NFATC2: variants seen among roughly 807,000 people sequenced by gnomAD.
The protein encoded by NFATC2 is nuclear factor of activated T cells 2, also known as nuclear factor of activated T-cells, cytoplasmic 2.
NFATC2 carries 22 observed loss-of-function variants against 87.3 expected under a neutral mutation model. That is an observed-to-expected ratio of 0.25 (90% confidence interval 0.18 to 0.36). The LOEUF is 0.36. NFATC2 is among the 10% of genes least tolerant of loss of function. The pLI, the probability that NFATC2 is intolerant of heterozygous loss-of-function variation, is 1.00. For missense variants in NFATC2, 1,149 were observed against 1,259.1 expected (o/e 0.91, Z 1.32); for synonymous variants, 565 against 542.2 (o/e 1.04, Z -0.58).
intron 9 of NFATC2, among the ~76,000 whole-genome samples, chr20:51,400,719 CAGGTGGCTACTCGCTCTGCCTTCCTTCAT>C (rs1209319090): frequency 6.6e-6 from 1 of 152,204 alleles, no homozygotes; most frequent in African/African-American, 2.4e-5. Flanking sequence ...CCCTCCTCCG[CAGGTGGCTACTCGCTCTGCCTTCCTTCAT>C]CCTCACAGAC....
In NFATC2 at chr20:51,432,291, T is replaced by C. The variant is rs778132625; in HGVS notation, c.2498A>G (p.Tyr833Cys). The change falls in exon 9 of 11, where the codon TAC becomes TGC. Residue 833 changes from tyrosine (Y) to cysteine (C), a missense_variant. Tyr to Cys is a radical substitution (Grantham distance 194). Around this residue, in one of 3 missense-constraint regions of NFATC2, gnomAD observed 581 missense variants for 649.7 expected, o/e 0.89. Transcript: ENST00000371564. The surrounding 1 kb of genome is among the most constrained non-coding windows in gnomAD (Gnocchi z 4.6). ...GSHQEFQHIMYCENFAPGTTR... is the reference protein window; with the variant it reads ...GSHQEFQHIMCCENFAPGTTR... ...GGTGCCTGGTGCGAAATTCTCGCAG[T>C]ACATGATGTGCTGGAACTCCTGGTG... 3.7e-6 allele frequency: 6 copies of C among 1,614,114 alleles called. No individual in the cohort carries two copies. In the South Asian group the frequency reaches 5.5e-5, roughly 15 times the overall value.
chr20:51,418,004 G>A (rs1980287560), intron 9 of NFATC2, among the ~76,000 whole-genome samples: 1 of 152,190 alleles, frequency 6.6e-6, no homozygotes, highest in Admixed American at 6.5e-5. Context: ...AAGGCCACAA[G>A]CAAGGAAGAA....
intron 10 of NFATC2, among the ~76,000 whole-genome samples, chr20:51,394,887 C>A (rs1459749912): frequency 6.6e-6 from 1 of 152,242 alleles, no homozygotes; most frequent in East Asian, 1.9e-4. Flanking sequence ...AGCCGCCCCA[C>A]ATTCCTGCCA....
intron 5 of NFATC2, among the ~76,000 whole-genome samples, chr20:51,457,937 G>A (rs1986747145): frequency 6.7e-6 from 1 of 148,948 alleles, no homozygotes; most frequent in African/African-American, 2.5e-5. Flanking sequence ...CCAGGCAGGA[G>A]TACAGTGGTG....
chr20:51,489,197 A>T (rs2075840227), intron 3 of NFATC2, among the ~76,000 whole-genome samples: 1 of 152,098 alleles, frequency 6.6e-6, no homozygotes, highest in Non-Finnish European at 1.5e-5. Flanking sequence ...CAAAAAAAAG[A>T]AGTGTGCAGA....
intron 6 of NFATC2, among the ~76,000 whole-genome samples, chr20:51,443,751 G>C (rs1045304513): frequency 1.3e-5 from 2 of 152,070 alleles, no homozygotes; most frequent in Admixed American, 6.5e-5. Context: ...AAAGGACTTC[G>C]GTCTCTTGAG....
At chr20:51,403,965 C>T (rs1340289723) in intron 9 of NFATC2, among the ~76,000 whole-genome samples, 1 of 152,194 alleles carries the variant, frequency 6.6e-6, no homozygotes, top group East Asian at 1.9e-4. Context: ...CCAGTGAAGT[C>T]ATCGAGGTTC....
chr20:51,527,194 T>TC (rs2076558997), intron 1 of NFATC2, among the ~76,000 whole-genome samples: 5 of 152,034 alleles, frequency 3.3e-5, no homozygotes, highest in Admixed American at 1.3e-4. Context: ...AACAACCGTG[T>TC]CTGGCAAAGG....
At chr20:51,451,250 G>C (rs776554882) in intron 6 of NFATC2, among the ~76,000 whole-genome samples, 123 of 152,206 alleles carry the variant, frequency 8.1e-4, no homozygotes, top group Non-Finnish European at 1.5e-4. Flanking sequence ...CTGAACTGCT[G>C]AGACGCAGAG....
At chr20:51,473,883 C>A (rs1988463944) in intron 5 of NFATC2, 97 bp downstream of exon 5, 1 of 1,355,818 alleles carries the variant, frequency 7.4e-7, no homozygotes, top group Admixed American at 2.3e-5. Flanking sequence ...TTCCCGCAGG[C>A]CACCCCGGGT....
At chr20:51,434,192 A>T (rs1983216395) in intron 8 of NFATC2, among the ~76,000 whole-genome samples, 1 of 62,866 alleles carries the variant, frequency 1.6e-5, no homozygotes. Flanking sequence ...TCACCAAGGC[A>T]AGGCTGCCAG....
At chr20:51,490,188 GTATGATATCTATCAATCTTCAC>G (rs2075858697) in intron 3 of NFATC2, among the ~76,000 whole-genome samples, 1 of 152,218 alleles carries the variant, frequency 6.6e-6, no homozygotes, top group Non-Finnish European at 1.5e-5. Flanking sequence ...GCATTGTGAT[GTATGATATCTATCAATCTTCAC>G]TATGATATCT....
At chr20:51,436,865 T>A (rs564884343) in intron 6 of NFATC2, among the ~76,000 whole-genome samples, 1 of 152,332 alleles carries the variant, frequency 6.6e-6, no homozygotes, top group South Asian at 2.1e-4. Context: ...ACACGCCTCC[T>A]TGGTGGTCTG....
chr20:51,543,975 A>ATTTATTTTTTT (rs774804203), upstream of NFATC2, among the ~76,000 whole-genome samples: 1 of 72,958 alleles, frequency 1.4e-5, no homozygotes, highest in Admixed American at 2.0e-4. Context: ...AGAATTCCTA[A>ATTTATTTTTTT]TTTTTTTTTT....
chr20:51,542,379 G>GA lies in NFATC2; in HGVS notation c.120dup (p.Pro41SerfsTer10). 2 of 1,607,628 alleles carry GA rather than the reference G, an allele frequency of 1.2e-6. No individual in the cohort carries two copies. Among genetic ancestry groups the GA allele is most frequent in the Non-Finnish European group, 1.7e-6 (2 of 1,176,826 alleles). The stretch of plus-strand genomic sequence containing the variant: ...GGTAGCCTCCACCGACCTTCGTTCG[G>GA]ATTCAAATACTCATAGTCGAAGAGG... On this transcript the variant is annotated frameshift_variant, in exon 1 of 11. Coordinates refer to ENST00000371564, the MANE Select transcript of NFATC2 (RefSeq NM_012340.5). LOFTEE classifies it high-confidence loss of function.
intron 3 of NFATC2, among the ~76,000 whole-genome samples, chr20:51,494,933 T>G (rs1033473355): frequency 6.6e-6 from 1 of 152,088 alleles, no homozygotes; most frequent in African/African-American, 2.4e-5. Flanking sequence ...CCCCTCCTGC[T>G]AGTCATCCAC....
intron 8 of NFATC2, among the ~76,000 whole-genome samples, chr20:51,434,280 A>G (rs1049074533): frequency 2.0e-5 from 3 of 151,920 alleles, no homozygotes; most frequent in Admixed American, 1.3e-4. Flanking sequence ...ACCCCTCAGT[A>G]TAATGCTTCT....
rs538248563 is a variant in NFATC2 at position 51,475,433 on chromosome 20, G to A, written c.1535+25C>T. 122 of 1,611,790 alleles carry A rather than the reference G, an allele frequency of 7.6e-5. 1 individual carries two copies. The South Asian group carries it at 1.1e-3, about 15-fold the overall frequency. On this transcript the variant is annotated intron_variant, in intron 4 of 10. Transcript: ENST00000371564. ...CCTGCTCGCTTCTCCATGAAGACCCGCCGCCCTCAGCTCCCAGCCCTTACG... is the reference window on the plus strand; with the variant it reads ...CCTGCTCGCTTCTCCATGAAGACCCACCGCCCTCAGCTCCCAGCCCTTACG...
At chr20:51,550,697 T>C (rs567684192) in intron 1 of NFATC2, among the ~76,000 whole-genome samples, 39 of 152,266 alleles carry the variant, frequency 2.6e-4, no homozygotes, top group African/African-American at 9.4e-4. Context: ...GCTCAGAACA[T>C]TTACAGTCAC....
Sources: allele counts gnomAD v4.1 joint callset (sites outside exome capture counted in the v4.1 genomes callset), GRCh38; gene constraint gnomAD v4.1.1; regional missense constraint gnomAD v4.1.1; non-coding constraint Gnocchi (gnomAD v3.1); transcripts MANE v1.5; gene names NCBI Gene and HGNC (gene_info 2026-07-23, HGNC 2026-07-21).